The following GPR176 variants were observed in gnomAD, a reference collection of about 807,000 sequenced individuals.
The protein encoded by GPR176 is G protein-coupled receptor 176.
GPR176 carries 26 observed loss-of-function variants against 35.4 expected under a neutral mutation model. That is an observed-to-expected ratio of 0.74 (90% CI 0.54 to 1.02). The LOEUF is 1.02. Among genes scored for constraint, GPR176 ranks in the 50% least tolerant of loss-of-function variants. The pLI, the probability that GPR176 is intolerant of heterozygous loss-of-function variation, is 0.00. For missense variants in GPR176, 597 were observed against 665.3 expected, an observed-to-expected ratio of 0.90 and a Z score of 1.13; for synonymous variants, 278 against 271.3, an observed-to-expected ratio of 1.02 and a Z score of -0.24.
At chr15:39,913,303 G>A (rs775734483) in intron 1 of GPR176, among the ~76,000 whole-genome samples, 16 of 152,130 alleles carry the variant, frequency 1.1e-4, no homozygotes, top group Non-Finnish European at 2.4e-4. Context: ...CCAGCACTTC[G>A]GGAAGCTGAG....
intron 1 of GPR176, among the ~76,000 whole-genome samples, chr15:39,877,151 C>G (rs1335960336): frequency 6.6e-6 from 1 of 152,312 alleles, no homozygotes; most frequent in South Asian, 2.1e-4. Flanking sequence ...TGTTGGTCCT[C>G]AGTGCTATTT....
At chr15:39,864,764 G>A (rs139316039) in intron 1 of GPR176, among the ~76,000 whole-genome samples, 205 of 151,786 alleles carry the variant, frequency 1.4e-3, no homozygotes, top group Non-Finnish European at 2.2e-3. Flanking sequence ...CTGCAGAATG[G>A]GAAAAAATAT....
intron 1 of GPR176, among the ~76,000 whole-genome samples, chr15:39,847,365 C>T (rs978620491): frequency 3.9e-5 from 6 of 152,060 alleles, no homozygotes; most frequent in African/African-American, 9.7e-5. Flanking sequence ...TCCAACTACA[C>T]GCTATCTCCA....
At chr15:39,880,756 C>T (rs2032443707) in intron 1 of GPR176, among the ~76,000 whole-genome samples, 1 of 152,176 alleles carries the variant, frequency 6.6e-6, no homozygotes, top group Non-Finnish European at 1.5e-5. Context: ...TGGTCAATCA[C>T]CAAGTCCTGA....
chr15:39,893,712 G>A (rs1377679587), intron 1 of GPR176, among the ~76,000 whole-genome samples: 1 of 151,220 alleles, frequency 6.6e-6, no homozygotes, highest in Admixed American at 6.6e-5. Flanking sequence ...TCCCGGGCGG[G>A]GCGGCTGGCC....
intron 1 of GPR176, among the ~76,000 whole-genome samples, chr15:39,883,704 T>C (rs1308361111): frequency 1.3e-5 from 2 of 152,192 alleles, no homozygotes; most frequent in African/African-American, 4.8e-5. Flanking sequence ...TTCTGTGTGG[T>C]CCTTGGACAA....
At chr15:39,886,966 T>TA (rs1375785979) in intron 1 of GPR176, among the ~76,000 whole-genome samples, 1 of 152,208 alleles carries the variant, frequency 6.6e-6, no homozygotes, top group Non-Finnish European at 1.5e-5. Context: ...CAATGGGCCA[T>TA]ACGTTGGGAC....
chr15:39,827,331 C>T (rs1900733381), intron 1 of GPR176, among the ~76,000 whole-genome samples: 1 of 152,172 alleles, frequency 6.6e-6, no homozygotes, highest in Admixed American at 6.5e-5. Context: ...TAGGGCTTTA[C>T]TGTGCCCTCT....
chr15:39,885,727 T>C (rs1003842550), intron 1 of GPR176, among the ~76,000 whole-genome samples: 3 of 152,172 alleles, frequency 2.0e-5, no homozygotes, highest in African/African-American at 4.8e-5. Context: ...AAATAGAAAA[T>C]AATAGATTGC....
At chr15:39,894,463 A>C in intron 1 of GPR176, 1 of 166,932 alleles carries the variant, frequency 6.0e-6, no homozygotes, top group Non-Finnish European at 1.3e-5. Flanking sequence ...CACTTCTCAG[A>C]CGGGGCGGTT....
At chr15:39,830,289 G>C (rs1378337940) in intron 1 of GPR176, among the ~76,000 whole-genome samples, 2 of 152,138 alleles carry the variant, frequency 1.3e-5, no homozygotes, top group Admixed American at 6.5e-5. Flanking sequence ...TAAGTACCAG[G>C]TTTACAAAAA....
intron 1 of GPR176, among the ~76,000 whole-genome samples, chr15:39,822,599 T>C (rs1900350414): frequency 6.6e-6 from 1 of 152,230 alleles, no homozygotes; most frequent in African/African-American, 2.4e-5. Context: ...AGATTTTACT[T>C]ACCCTTCCTT....
rs369538715 is a variant in GPR176 at position 39,807,556 on chromosome 15, G to T, written c.173-298C>A. 53 of 1,520,368 alleles carry T rather than the reference G, an allele frequency of 3.5e-5. No individual in the cohort carries two copies. The African/African-American group carries it at 6.5e-4, about 19-fold the overall frequency. 94.2% of individuals were successfully genotyped at this position (1,520,368 alleles called of 1,614,324 possible). ...AGTCTCATCAGTGTATAAACAATTT[G>T]CTAGTTATTACTTAATCCCAGGCAG... On this transcript the variant is annotated intron_variant, in intron 1 of 2. Transcript: ENST00000561100.
intron 1 of GPR176, among the ~76,000 whole-genome samples, chr15:39,839,550 T>C (rs1218126610): frequency 6.6e-6 from 1 of 152,120 alleles, no homozygotes; most frequent in East Asian, 1.9e-4. Context: ...GGCAATACCA[T>C]TCAGGACATA....
chr15:39,893,590 T>C (rs995152203), intron 1 of GPR176, among the ~76,000 whole-genome samples: 66 of 152,358 alleles, frequency 4.3e-4, no homozygotes, highest in African/African-American at 1.4e-3. Flanking sequence ...GCCATTGTCA[T>C]CCTGGCCTGT....
At chr15:39,847,106 T>C (rs1361339263) in intron 1 of GPR176, among the ~76,000 whole-genome samples, 2 of 152,062 alleles carry the variant, frequency 1.3e-5, no homozygotes, top group Non-Finnish European at 2.9e-5. Flanking sequence ...TTTAATAGAT[T>C]GCCTAGAGCA....
At chr15:39,853,187 T>C (rs2030988264) in intron 1 of GPR176, among the ~76,000 whole-genome samples, 1 of 152,152 alleles carries the variant, frequency 6.6e-6, no homozygotes, top group Admixed American at 6.6e-5. Context: ...AACAGATGAA[T>C]GGATAAAGAA....
intron 1 of GPR176, among the ~76,000 whole-genome samples, chr15:39,860,428 T>G (rs1014344904): frequency 2.0e-5 from 3 of 152,244 alleles, no homozygotes; most frequent in Non-Finnish European, 4.4e-5. Flanking sequence ...CAAGGCTGAC[T>G]GCTTTCAGTT....
intron 1 of GPR176, among the ~76,000 whole-genome samples, chr15:39,893,646 G>A (rs1469760229): frequency 1.3e-5 from 2 of 152,070 alleles, no homozygotes; most frequent in South Asian, 2.1e-4. Context: ...GTGGTGGCCG[G>A]GCAGAGGGGC....
Sources: allele counts gnomAD v4.1 joint callset (sites outside exome capture counted in the v4.1 genomes callset), GRCh38; gene constraint gnomAD v4.1.1; transcripts MANE v1.5; gene names NCBI Gene and HGNC (gene_info 2026-07-23, HGNC 2026-07-21).